The following KLHL3 variants were observed in gnomAD, a reference collection of about 807,000 sequenced individuals.
KLHL3 encodes the protein kelch-like protein 3.
A neutral mutation model predicts 70.5 loss-of-function variants in KLHL3; 19 were observed. The observed-to-expected ratio is 0.27, with a 90% confidence interval of 0.19 to 0.40. KLHL3 has a LOEUF of 0.40. Among genes scored for constraint, KLHL3 ranks in the 10% least tolerant of loss-of-function variants. The pLI, the probability that KLHL3 is intolerant of heterozygous loss-of-function variation, is 1.00. For synonymous variants in KLHL3, 258 were observed against 290.3 expected (o/e 0.89, Z 1.13); for missense variants, 512 against 771.1 (o/e 0.66, Z 3.98).
chr5:137,672,651 G>A (rs948862583), intron 6 of KLHL3: 3 of 152,154 alleles, frequency 2.0e-5, no homozygotes, highest in African/African-American at 7.2e-5. Flanking sequence ...ATCTTGAGAT[G>A]GAGACATATA....
chr5:137,710,116 T>C (rs960758661), intron 2 of KLHL3, among the ~76,000 whole-genome samples: 1 of 152,174 alleles, frequency 6.6e-6, no homozygotes, highest in Non-Finnish European at 1.5e-5. Context: ...GCTGCTTCAT[T>C]TGTCTTCACC....
chr5:137,644,985 T>A (rs997907300), intron 8 of KLHL3, among the ~76,000 whole-genome samples: 1 of 152,178 alleles, frequency 6.6e-6, no homozygotes, highest in African/African-American at 2.4e-5. Context: ...AGATTCATCC[T>A]AGGGATGCAA....
At chr5:137,650,654 T>A (rs1353853629) in intron 8 of KLHL3, among the ~76,000 whole-genome samples, 1 of 151,940 alleles carries the variant, frequency 6.6e-6, no homozygotes, top group Non-Finnish European at 1.5e-5. Context: ...ACCCCATCTC[T>A]ACTAAAAATA....
At chr5:137,630,266 G>T (rs546036690) in intron 12 of KLHL3, among the ~76,000 whole-genome samples, 2 of 152,216 alleles carry the variant, frequency 1.3e-5, no homozygotes, top group South Asian at 4.2e-4. Context: ...TGCCTCCCAG[G>T]GACACTGGAC....
intron 3 of KLHL3, among the ~76,000 whole-genome samples, chr5:137,709,063 T>C (rs1413327068): frequency 6.6e-6 from 1 of 152,200 alleles, no homozygotes; most frequent in Non-Finnish European, 1.5e-5. Context: ...TTCAGGTAAT[T>C]CAATCTCAGA....
At chr5:137,697,629 G>A (rs1456679081) in intron 4 of KLHL3, among the ~76,000 whole-genome samples, 2 of 152,206 alleles carry the variant, frequency 1.3e-5, no homozygotes, top group African/African-American at 2.4e-5. Flanking sequence ...TAAGACAGAA[G>A]CTTCTGGACT....
chr5:137,630,284 C>A (rs916863449), intron 12 of KLHL3, among the ~76,000 whole-genome samples: 1 of 152,178 alleles, frequency 6.6e-6, no homozygotes, highest in African/African-American at 2.4e-5. Flanking sequence ...GACTCCCAGG[C>A]AATAGAGGTG....
intron 5 of KLHL3, among the ~76,000 whole-genome samples, chr5:137,680,524 T>C (rs1490258158): frequency 6.6e-5 from 10 of 152,062 alleles, no homozygotes; most frequent in Admixed American, 2.0e-4. Flanking sequence ...AAAGTCCAGT[T>C]CTGTGAGCAG....
intron 6 of KLHL3, among the ~76,000 whole-genome samples, chr5:137,672,360 T>C (rs1373468679): frequency 1.3e-5 from 2 of 152,174 alleles, no homozygotes; most frequent in African/African-American, 2.4e-5. Flanking sequence ...GGAACACCAA[T>C]GATCCTGGGA....
chr5:137,714,511 A>C (rs1752857646), intron 2 of KLHL3, among the ~76,000 whole-genome samples: 1 of 152,220 alleles, frequency 6.6e-6, no homozygotes, highest in Non-Finnish European at 1.5e-5. Flanking sequence ...CCTTAAATGC[A>C]TTATGCTAAA....
intron 2 of KLHL3, among the ~76,000 whole-genome samples, chr5:137,712,156 C>CAAAAA (rs201519598): frequency 1.5e-4 from 11 of 74,872 alleles, no homozygotes; most frequent in African/African-American, 6.0e-4. Flanking sequence ...AAGATTCTGT[C>CAAAAA]AAAAAAAAAA....
chr5:137,728,611 T>C (rs1753122455), intron 1 of KLHL3, among the ~76,000 whole-genome samples: 2 of 152,264 alleles, frequency 1.3e-5, no homozygotes, highest in Middle Eastern at 3.4e-3. Flanking sequence ...CTGCTTACTG[T>C]GTCAGTTCTT....
At chr5:137,716,629 T>C (rs1752898390) in intron 2 of KLHL3, among the ~76,000 whole-genome samples, 1 of 152,150 alleles carries the variant, frequency 6.6e-6, no homozygotes, top group Admixed American at 6.5e-5. Context: ...AGGTTCTTGC[T>C]CTCCAAGTTC....
chr5:137,647,164 C>T (rs890080918), intron 8 of KLHL3, among the ~76,000 whole-genome samples: 1 of 152,198 alleles, frequency 6.6e-6, no homozygotes, highest in Admixed American at 6.5e-5. Flanking sequence ...TGAGCCCAAG[C>T]AAAAGACTAC....
rs947276443 is a variant in KLHL3, at chr5:137,708,260, T to C, written c.241+1490A>G. Among the ~76,000 whole-genome samples, 3 of 152,300 alleles carry C rather than the reference T, an allele frequency of 2.0e-5. No individual in the cohort carries two copies. The South Asian group carries it at 6.2e-4, about 32-fold the overall frequency. ...CATGACAAGCCAAGGGGGACACACA[T>C]GTGACAAACTCTCAGTGCACAAGTG... On this transcript the variant is annotated intron_variant, in intron 3 of 14. Transcript: ENST00000309755.
At chr5:137,636,506 C>G (rs1016365630) in intron 11 of KLHL3, among the ~76,000 whole-genome samples, 1 of 152,298 alleles carries the variant, frequency 6.6e-6, no homozygotes, top group Admixed American at 6.5e-5. Flanking sequence ...TACAGAACTC[C>G]TACCTACTGG....
chr5:137,674,711 G>C (rs1751845525), intron 6 of KLHL3, among the ~76,000 whole-genome samples: 1 of 152,120 alleles, frequency 6.6e-6, no homozygotes. Context: ...ATATGCAGTT[G>C]AATTTTAACT....
chr5:137,652,556 C>G (rs2149892903), intron 8 of KLHL3, among the ~76,000 whole-genome samples: 2 of 152,330 alleles, frequency 1.3e-5, no homozygotes, highest in South Asian at 4.1e-4. Flanking sequence ...GTGAAATAAG[C>G]AGGGCACAAA....
chr5:137,724,995 C>T (rs1753064389), intron 1 of KLHL3: 2 of 971,342 alleles, frequency 2.1e-6, no homozygotes, highest in Non-Finnish European at 2.4e-6. Flanking sequence ...AACCTAAGGT[C>T]ACATGCCCAG....
Sources: gnomAD v4.1 joint callset for allele counts (sites outside exome capture counted in the v4.1 genomes callset) on GRCh38, gnomAD v4.1.1 for gene constraint, MANE v1.5 for transcripts, NCBI Gene and HGNC (gene_info 2026-07-23, HGNC 2026-07-21) for gene names.